Variants in NELL1 observed in about 807,000 individuals in gnomAD.
NELL1 encodes the protein neural EGFL like 1, also known as protein kinase C-binding protein NELL1.
A neutral mutation model predicts 107.4 loss-of-function variants in NELL1; 76 were observed. The observed-to-expected ratio is 0.71, with a 90% confidence interval of 0.59 to 0.86. The LOEUF is 0.86. Among genes scored for constraint, NELL1 ranks in the 40% least tolerant of loss-of-function variants. NELL1 has a pLI of 0.00. For synonymous variants in NELL1, 353 were observed against 341.2 expected, an observed-to-expected ratio of 1.03 and a Z score of -0.38; for missense variants, 1,024 against 1,005.5, an observed-to-expected ratio of 1.02 and a Z score of -0.25.
intron 2 of NELL1, among the ~76,000 whole-genome samples, chr11:20,692,671 TC>T: frequency 6.6e-6 from 1 of 152,170 alleles, no homozygotes; most frequent in Non-Finnish European, 1.5e-5. Context: ...TAGTTTCTGT[TC>T]TTTTACATTT....
intron 15 of NELL1, among the ~76,000 whole-genome samples, chr11:21,417,736 C>G (rs1852552569): frequency 6.6e-6 from 1 of 152,088 alleles, no homozygotes; most frequent in East Asian, 1.9e-4. Flanking sequence ...CCTATTCTAA[C>G]TCTTATATTT....
chr11:21,410,708 G>C (rs2133809747), intron 15 of NELL1, among the ~76,000 whole-genome samples: 1 of 152,048 alleles, frequency 6.6e-6, no homozygotes, highest in Admixed American at 6.6e-5. Flanking sequence ...TCACAAAAAT[G>C]ATTTGCGTCT....
chr11:21,082,646 A>G (rs1001169017), intron 12 of NELL1, among the ~76,000 whole-genome samples: 2 of 152,196 alleles, frequency 1.3e-5, no homozygotes, highest in East Asian at 1.9e-4. Context: ...GAAAGCCTCT[A>G]GGATCTGGTT....
At position 21,187,825 on chromosome 11, in the gene NELL1, A is replaced by G. The variant is rs941539360; in HGVS notation, c.1427-41507A>G. 3.9e-5 allele frequency among the ~76,000 whole-genome samples: 6 copies of G among 152,036 alleles called. No homozygotes were observed. The East Asian group carries it at 1.2e-3, about 29-fold the overall frequency. ...GGACATGAATTGACACAGATTATAG[A>G]CTTTTAGAGCAGCATGTAGTTAACA... On this transcript the variant is annotated intron_variant, in intron 13 of 19. Coordinates refer to ENST00000357134, the MANE Select transcript of NELL1 (RefSeq NM_006157.5).
At chr11:20,703,650 A>C (rs2133884822) in intron 2 of NELL1, among the ~76,000 whole-genome samples, 1 of 152,236 alleles carries the variant, frequency 6.6e-6, no homozygotes, top group Middle Eastern at 3.4e-3. Context: ...TAGTGCTATA[A>C]ATTTCTCTCT....
chr11:21,002,456 G>A (rs1361236988), intron 12 of NELL1, among the ~76,000 whole-genome samples: 2 of 152,100 alleles, frequency 1.3e-5, no homozygotes, highest in African/African-American at 4.8e-5. Flanking sequence ...CTGTTTGTCT[G>A]GACAGATTAC....
chr11:21,371,971 G>A (rs1851366779), intron 15 of NELL1, among the ~76,000 whole-genome samples: 1 of 151,900 alleles, frequency 6.6e-6, no homozygotes, highest in Non-Finnish European at 1.5e-5. Flanking sequence ...GTATATTTAT[G>A]AGGCAGTCTA....
chr11:21,184,615 C>A (rs1460550235), intron 13 of NELL1, among the ~76,000 whole-genome samples: 1 of 151,832 alleles, frequency 6.6e-6, no homozygotes, highest in Admixed American at 6.6e-5. Flanking sequence ...AAAACAGACT[C>A]ATTTTTCAAG....
At chr11:21,404,803 CT>C (rs5790183) in intron 15 of NELL1, among the ~76,000 whole-genome samples, 43,053 of 151,842 alleles carry the variant, frequency 0.28, 6,279 homozygotes, top group Admixed American at 0.36. Context: ...AGCATTACTG[CT>C]AGGATCTGTA....
chr11:20,915,717 A>ATATATATATATATATATTTTTTTTTTTT, intron 5 of NELL1, among the ~76,000 whole-genome samples: 3 of 58,220 alleles, frequency 5.2e-5, no homozygotes, highest in African/African-American at 2.6e-4. Context: ...ATATATATAT[A>ATATATATATATATATATTTTTTTTTTTT]TTTTTTTTTT....
chr11:21,566,755 G>T (rs1856983311), intron 17 of NELL1, among the ~76,000 whole-genome samples: 1 of 151,808 alleles, frequency 6.6e-6, no homozygotes, highest in African/African-American at 2.4e-5. Context: ...GTGTGATTGT[G>T]CTCTGTGAGC....
In NELL1 at chr11:20,692,094, G is replaced by T. The variant is rs1322574308; in HGVS notation, c.184+14034G>T. 5.3e-5 allele frequency among the ~76,000 whole-genome samples: 8 copies of T among 151,944 alleles called. No individual in the cohort carries two copies. The East Asian group carries it at 1.4e-3, about 26-fold the overall frequency. ...CATAGAGGTGTTTGTAGTATTCTCT[G>T]ATGGTAGTTTGTATTTCTGTGGGAT... On this transcript the variant is annotated intron_variant, in intron 2 of 19. Transcript: ENST00000357134.
chr11:21,286,356 A>G (rs1054861475), intron 14 of NELL1, among the ~76,000 whole-genome samples: 1 of 152,204 alleles, frequency 6.6e-6, no homozygotes, highest in African/African-American at 2.4e-5. Context: ...GCCATTAGAC[A>G]TGTCACTGTC....
chr11:20,748,243 A>C (rs1199609466), intron 2 of NELL1, among the ~76,000 whole-genome samples: 2 of 152,138 alleles, frequency 1.3e-5, no homozygotes, highest in Non-Finnish European at 2.9e-5. Flanking sequence ...CTACATGTCC[A>C]GCAGTGTCTT....
At chr11:21,392,108 CCT>C (rs1006745021) in intron 15 of NELL1, among the ~76,000 whole-genome samples, 5 of 151,730 alleles carry the variant, frequency 3.3e-5, no homozygotes, top group Admixed American at 3.3e-4. Context: ...AATTAATACC[CCT>C]GTCTCAGTAT....
At chr11:20,734,950 A>G (rs749412577) in intron 2 of NELL1, among the ~76,000 whole-genome samples, 4 of 152,130 alleles carry the variant, frequency 2.6e-5, no homozygotes, top group Non-Finnish European at 4.4e-5. Flanking sequence ...GGTGGGGTCT[A>G]GATAAGTTTT....
At chr11:21,457,228 G>C (rs1485160663) in intron 15 of NELL1, among the ~76,000 whole-genome samples, 2 of 152,056 alleles carry the variant, frequency 1.3e-5, no homozygotes, top group Non-Finnish European at 2.9e-5. Context: ...TTCTTGGCTG[G>C]GTGGGTTGGT....
At position 20,951,821 on chromosome 11, in the gene NELL1, T is replaced by C. The variant is rs114925426; in HGVS notation, c.1171+4386T>C. Among the ~76,000 whole-genome samples, 720 of 152,176 alleles carry C rather than the reference T, an allele frequency of 4.7e-3. 5 individuals carry two copies. The highest frequency in any genetic ancestry group is 0.016 in the African/African-American group (680 of 41,522). ...AATCACCACTGCAGCTTTTCTCTGA[T>C]ACCTCAGGACAGTTTGTGCTGGCAA... On this transcript the variant is annotated intron_variant, in intron 11 of 19. Transcript: ENST00000357134.
intron 3 of NELL1, among the ~76,000 whole-genome samples, chr11:20,844,651 G>T (rs116920957): frequency 1.3e-5 from 2 of 152,236 alleles, no homozygotes; most frequent in Non-Finnish European, 2.9e-5. Context: ...TGCTCGTAGC[G>T]TCAGACTTCT....
Sources: gnomAD v4.1 joint callset for allele counts (sites outside exome capture counted in the v4.1 genomes callset) on GRCh38, gnomAD v4.1.1 for gene constraint, MANE v1.5 for transcripts, NCBI Gene and HGNC (gene_info 2026-07-23, HGNC 2026-07-21) for gene names.